The following PAK1IP1 variants were observed in gnomAD, a reference collection of about 807,000 sequenced individuals.
PAK1IP1 encodes the protein PAK1 interacting protein 1, also known as p21-activated protein kinase-interacting protein 1.
PAK1IP1 carries 24 observed loss-of-function variants against 42.0 expected under a neutral mutation model. That is an observed-to-expected ratio of 0.57 (90% CI 0.41 to 0.80). The LOEUF (loss-of-function observed/expected upper bound fraction) is 0.80, where lower values mean the gene tolerates loss of function less well. Among genes scored for constraint, PAK1IP1 ranks in the 30% least tolerant of loss-of-function variants. The pLI is 0.00. For missense variants in PAK1IP1, 411 were observed against 467.9 expected (o/e 0.88, Z 1.12); for synonymous variants, 154 against 156.7 (o/e 0.98, Z 0.13).
chr6:10,699,191 ACT>A (rs1449228550), intron 2 of PAK1IP1, among the ~76,000 whole-genome samples: 1 of 135,532 alleles, frequency 7.4e-6, no homozygotes, highest in Non-Finnish European at 1.5e-5. Context: ...ACAGAGCGAG[ACT>A]CTGTCTCAAA....
Position 10,704,798 on chromosome 6 carries a change from T to G in PAK1IP1, c.694T>G (p.Cys232Gly), listed in dbSNP as rs1482023186. The change falls in exon 7 of 10, where the codon TGT (cysteine) becomes GGT (glycine). Residue 232 changes from cysteine to glycine, a missense_variant. By Grantham distance (159) the Cys-to-Gly change is radical (BLOSUM62 -3). Transcript: ENST00000379568. Reference sequence around the variant, plus strand: ...TGAAGAAGTTATAAGGTTTTTTGACTGTGATTCACTAGTGTGCCTCTGCGA... The same window carrying G: ...TGAAGAAGTTATAAGGTTTTTTGACGGTGATTCACTAGTGTGCCTCTGCGA... ...GDEEVIRFFD[C>G]DSLVCLCEFK... The G allele has an allele frequency of 6.2e-7, 1 of 1,613,784 alleles. No homozygotes were observed. The highest frequency in any genetic ancestry group is 8.5e-7 in the Non-Finnish European group (1 of 1,179,638).
At chr6:10,699,791 G>C (rs543879997) in intron 2 of PAK1IP1, among the ~76,000 whole-genome samples, 6 of 152,132 alleles carry the variant, frequency 3.9e-5, no homozygotes, top group East Asian at 3.9e-4. Context: ...CTTCTATTAG[G>C]TGTTCCCTTA....
intron 7 of PAK1IP1, 40 bp from the exon 8 acceptor site, chr6:10,707,375 G>A (rs1161992061): frequency 3.5e-5 from 38 of 1,088,950 alleles, no homozygotes; most frequent in Non-Finnish European, 5.3e-5. Flanking sequence ...AGACTATTTG[G>A]AGGAAAAGAT....
chr6:10,702,479 A>C lies in PAK1IP1; in HGVS notation c.358A>C (p.Lys120Gln). 6.2e-7 allele frequency: 1 copy of C among 1,614,184 alleles called. No individual in the cohort carries two copies. Among genetic ancestry groups the C allele is most frequent in the Non-Finnish European group, 8.5e-7 (1 of 1,180,028 alleles). ...AKKWECLKSI[K>Q]AHKGQVTFLS... is the part of the protein sequence containing the mutation. ...GAAATGGGAATGCCTGAAGTCAATT[A>C]AAGCTCACAAGTGAGTCGGGCTCTT... Residue 120 changes from lysine (K) to glutamine (Q), a missense_variant, in exon 3 of 10, where the codon AAA (lysine) becomes CAA (glutamine). Coordinates refer to ENST00000379568, the MANE Select transcript of PAK1IP1 (RefSeq NM_017906.3).
chr6:10,708,526 GTT>G (rs549641427), intron 8 of PAK1IP1, among the ~76,000 whole-genome samples: 1 of 149,308 alleles, frequency 6.7e-6, no homozygotes, highest in African/African-American at 2.5e-5. Context: ...GTGGATATAT[GTT>G]TTTTTTTCTT....
upstream of PAK1IP1, among the ~76,000 whole-genome samples, chr6:10,692,373 GTAATC>G (rs1275386111): frequency 6.6e-6 from 1 of 152,170 alleles, no homozygotes; most frequent in Admixed American, 6.5e-5. Context: ...TACAAAAAAA[GTAATC>G]TATTCTAAAT....
chr6:10,697,521 G>C, intron 2 of PAK1IP1, 35 bp downstream of exon 2: 3 of 1,481,052 alleles, frequency 2.0e-6, no homozygotes, highest in Non-Finnish European at 2.8e-6. Context: ...TGAGAACATA[G>C]AGGTTTTCTT....
Position 10,704,570 on chromosome 6 carries a change from T to C in PAK1IP1, c.560T>C (p.Ile187Thr). The change falls in exon 6 of 10, where the codon ATA (isoleucine) becomes ACA (threonine). Residue 187 changes from isoleucine to threonine, a missense_variant. Ile to Thr is a moderately conservative substitution (Grantham distance 89). Coordinates refer to ENST00000379568, the MANE Select transcript of PAK1IP1 (RefSeq NM_017906.3). ...TATGTAGTTATCATACAGAATAAAA[T>C]AGACATCTATCAGCTTGACACTGCA... Reference protein sequence around the residue: ...EQYVVIIQNKIDIYQLDTASI... With the variant: ...EQYVVIIQNKTDIYQLDTASI... The C allele has an allele frequency of 6.3e-7, 1 of 1,598,410 alleles. No individual in the cohort carries two copies. Among genetic ancestry groups the C allele is most frequent in the Non-Finnish European group, 8.6e-7 (1 of 1,167,072 alleles).
Position 10,702,572 on chromosome 6 carries a change from G to GT in PAK1IP1, c.377dup (p.Thr127AspfsTer19). ...CTTTTGGTTTCATTATAGAGGACAGGTGACCTTCCTTTCTATTCACCCATC... is the reference window on the plus strand; with the variant it reads ...CTTTTGGTTTCATTATAGAGGACAGGTTGACCTTCCTTTCTATTCACCCATC... On this transcript the variant is annotated frameshift_variant, in exon 4 of 10. Coordinates refer to ENST00000379568, the MANE Select transcript of PAK1IP1 (RefSeq NM_017906.3). LOFTEE classifies it high-confidence loss of function. The GT allele has an allele frequency of 1.9e-6, 3 of 1,613,996 alleles. No homozygotes were observed. The highest frequency in any genetic ancestry group is 2.5e-6 in the Non-Finnish European group (3 of 1,180,004).
In PAK1IP1 at chr6:10,706,270, G is replaced by A. The variant is rs112086961; in HGVS notation, c.741-1145G>A. Among the ~76,000 whole-genome samples the A allele has an allele frequency of 5.7e-3, 873 of 152,204 alleles. 7 individuals carry two copies. Among genetic ancestry groups the A allele is most frequent in the African/African-American group, 0.02 (829 of 41,530 alleles). ...AGGCACAGGTGCAAAGACCCTGAGG[G>A]AGAACAGAGCTTGGTGTATTTTAGG... On this transcript the variant is annotated intron_variant, in intron 7 of 9. Transcript: ENST00000379568.
intron 7 of PAK1IP1, 91 bp downstream of exon 7, chr6:10,704,935 A>G (rs919446372): frequency 1.3e-6 from 1 of 791,962 alleles, no homozygotes; most frequent in African/African-American, 1.7e-5. Context: ...GTTTTTATTA[A>G]CAACTGCAGA....
chr6:10,691,270 C>T (rs1769273443), upstream of PAK1IP1, among the ~76,000 whole-genome samples: 2 of 152,144 alleles, frequency 1.3e-5, no homozygotes, highest in African/African-American at 2.4e-5. Context: ...GGGCTTTATT[C>T]GGCCGGGATC....
rs745708831 is a variant in PAK1IP1 at position 10,709,298 on chromosome 6, A to C, written c.1025A>C (p.Glu342Ala). The C allele has an allele frequency of 6.2e-7, 1 of 1,614,146 alleles. No individual in the cohort carries two copies. Among genetic ancestry groups the C allele is most frequent in the East Asian group, 2.2e-5 (1 of 44,876 alleles). Residue 342 changes from glutamate to alanine, a missense_variant, in exon 10 of 10, where the codon GAA becomes GCA. Coordinates refer to ENST00000379568, the MANE Select transcript of PAK1IP1 (RefSeq NM_017906.3). ...CCTGGTGACACAGTGCACAAAGAAG[A>C]AAAGCGGTCAAAACCTAACACAAAG... ...KEPGDTVHKE[E>A]KRSKPNTKKR... is the part of the protein sequence containing the mutation.
intron 4 of PAK1IP1, 73 bp downstream of exon 4, chr6:10,702,712 C>A: frequency 9.2e-7 from 1 of 1,083,860 alleles, no homozygotes; most frequent in Admixed American, 1.7e-5. Flanking sequence ...TCTAAAAATA[C>A]TGTTATACAA....
chr6:10,707,542 A>G, intron 8 of PAK1IP1, 28 bp downstream of exon 8: 1 of 1,306,280 alleles, frequency 7.7e-7, no homozygotes, highest in East Asian at 2.3e-5. Flanking sequence ...ATCTAAATGT[A>G]CTTTAATACA....
intron 7 of PAK1IP1, among the ~76,000 whole-genome samples, chr6:10,706,138 A>G (rs1770197876): frequency 6.6e-6 from 1 of 152,156 alleles, no homozygotes; most frequent in African/African-American, 2.4e-5. Flanking sequence ...GGAAATAGAA[A>G]AGTAGAGTGA....
At chr6:10,694,688 G>C, upstream of PAK1IP1, 1 of 310,734 alleles carries the variant, frequency 3.2e-6, no homozygotes. Flanking sequence ...CCCTTCAGAC[G>C]GGCGTAGCTG....
chr6:10,705,670 A>G (rs1047740867), intron 7 of PAK1IP1, among the ~76,000 whole-genome samples: 3 of 152,158 alleles, frequency 2.0e-5, no homozygotes, highest in African/African-American at 7.2e-5. Context: ...ATATTACCCC[A>G]ATAGTGGAGC....
upstream of PAK1IP1, chr6:10,694,620 C>CGT: frequency 5.4e-6 from 1 of 186,708 alleles, no homozygotes; most frequent in South Asian, 9.6e-5. Context: ...GGAAGTCGGC[C>CGT]CCACCTCCTC....
Sources: allele counts gnomAD v4.1 joint callset (sites outside exome capture counted in the v4.1 genomes callset), GRCh38; gene constraint gnomAD v4.1.1; transcripts MANE v1.5; gene names NCBI Gene and HGNC (gene_info 2026-07-23, HGNC 2026-07-21).